The following TRAPPC9 variants were observed in gnomAD, a reference collection of about 807,000 sequenced individuals.
TRAPPC9 encodes the protein IKK2 binding protein.
Under a neutral mutation model 124.0 loss-of-function variants are expected in TRAPPC9, and 83 were observed. The ratio of observed to expected loss-of-function variants is 0.67; its 90% CI spans 0.56 to 0.80. The LOEUF (loss-of-function observed/expected upper bound fraction) is 0.80, where lower values mean the gene tolerates loss of function less well. Among genes scored for constraint, TRAPPC9 ranks in the 30% least tolerant of loss-of-function variants. The pLI is 0.00. For synonymous variants in TRAPPC9, 638 were observed against 617.5 expected (o/e 1.03, Z -0.49); for missense variants, 1,302 against 1,508.3 (o/e 0.86, Z 2.27).
At chr8:140,446,812 G>T (rs1464356797) in intron 2 of TRAPPC9, among the ~76,000 whole-genome samples, 1 of 152,046 alleles carries the variant, frequency 6.6e-6, no homozygotes, top group Non-Finnish European at 1.5e-5. Flanking sequence ...GATTACAGAT[G>T]TGAACCACCG....
intron 21 of TRAPPC9, among the ~76,000 whole-genome samples, chr8:139,819,474 G>A (rs947466374): frequency 1.3e-5 from 2 of 152,136 alleles, no homozygotes; most frequent in East Asian, 1.9e-4. Context: ...AAAAGGTTGG[G>A]GACCACCTGC....
chr8:139,805,572 G>A (rs1013819027), intron 21 of TRAPPC9, among the ~76,000 whole-genome samples: 7 of 152,190 alleles, frequency 4.6e-5, no homozygotes, highest in East Asian at 1.9e-4. Context: ...TCTGGGAGTC[G>A]GGGCTGGCCA....
chr8:139,978,903 GTT>G (rs34720118), intron 19 of TRAPPC9, among the ~76,000 whole-genome samples: 2 of 151,914 alleles, frequency 1.3e-5, no homozygotes, highest in Admixed American at 1.3e-4. Flanking sequence ...GAGCACTCTG[GTT>G]TTTTTTCCAC....
chr8:140,426,106 G>T (rs1013210177), intron 5 of TRAPPC9, among the ~76,000 whole-genome samples: 5 of 152,164 alleles, frequency 3.3e-5, no homozygotes, highest in African/African-American at 1.2e-4. Flanking sequence ...AGCTCATCAT[G>T]AAATAATTAA....
chr8:139,751,373 T>A (rs1443043467), intron 21 of TRAPPC9, among the ~76,000 whole-genome samples: 9 of 152,126 alleles, frequency 5.9e-5, no homozygotes, highest in Non-Finnish European at 1.3e-4. Flanking sequence ...GCCTGGCCCT[T>A]TCAGACACCA....
At position 139,961,178 on chromosome 8, in the gene TRAPPC9, G is replaced by A. The variant is rs907252982; in HGVS notation, c.2810+27548C>T. The stretch of plus-strand genomic sequence containing the variant: ...CAAACCCACGTGTGTCCTCAGCTGC[G>A]CCTGCACATTTCTACCGTCTGCCCA... On this transcript the variant is annotated intron_variant, in intron 19 of 22. Coordinates refer to ENST00000438773, the MANE Select transcript of TRAPPC9 (RefSeq NM_001160372.4). Among the ~76,000 whole-genome samples the A allele has an allele frequency of 8.0e-5, 10 of 124,566 alleles. 1 individual carries two copies. The highest frequency in any genetic ancestry group is 1.3e-4 in the African/African-American group (5 of 39,312). 81.7% of individuals were successfully genotyped at this position (124,566 alleles called of 152,430 possible). A position where few individuals can be genotyped will look rare whatever the true frequency, so the allele number is the denominator to read the frequency against.
In TRAPPC9 at chr8:140,337,101, G is replaced by A. The variant is rs1243120301; in HGVS notation, c.1495+22949C>T. 2.0e-5 allele frequency among the ~76,000 whole-genome samples: 3 copies of A among 152,162 alleles called. No homozygotes were observed. The East Asian group carries it at 5.8e-4, about 29-fold the overall frequency. ...GCTGGCTGCAGGTGACCCAGGATGT[G>A]GGGTCAGGCATGTGCTCCAGAGCCA... is the stretch of plus-strand genomic sequence containing the variant. On this transcript the variant is annotated intron_variant, in intron 9 of 22. Transcript: ENST00000438773.
At chr8:140,081,621 C>T (rs1843825512) in intron 17 of TRAPPC9, among the ~76,000 whole-genome samples, 1 of 152,196 alleles carries the variant, frequency 6.6e-6, no homozygotes. Flanking sequence ...GCTGGGATGA[C>T]AGGCGTGAGC....
chr8:139,878,457 G>T (rs754282596), intron 21 of TRAPPC9, among the ~76,000 whole-genome samples: 1 of 150,802 alleles, frequency 6.6e-6, no homozygotes, highest in Non-Finnish European at 1.5e-5. Flanking sequence ...TGATCTAGCC[G>T]GAGGTTGAGA....
chr8:139,972,075 C>T (rs1484996416), intron 19 of TRAPPC9, among the ~76,000 whole-genome samples: 1 of 151,964 alleles, frequency 6.6e-6, no homozygotes, highest in Non-Finnish European at 1.5e-5. Context: ...ATCCACCTGC[C>T]TTGGCTTCCT....
chr8:140,233,227 C>T (rs927843962), intron 16 of TRAPPC9, among the ~76,000 whole-genome samples: 45 of 150,618 alleles, frequency 3.0e-4, no homozygotes, highest in African/African-American at 9.8e-4. Context: ...TTTTTTGAGA[C>T]GGAGTCTCAC....
In TRAPPC9 at chr8:140,128,572, G is replaced by A. The variant is rs2061140270; in HGVS notation, c.2556+92887C>T. ...TTCTCTTTGAGAGAAGTGAAGGCAG[G>A]AAACTGGCACTAATTGAATACCCAC... On this transcript the variant is annotated intron_variant, in intron 17 of 22. Transcript: ENST00000438773. Among the ~76,000 whole-genome samples the A allele has an allele frequency of 2.0e-5, 3 of 152,244 alleles. No homozygotes were observed. The South Asian group carries it at 6.2e-4, about 31-fold the overall frequency.
At chr8:139,821,636 T>G (rs1825261064) in intron 21 of TRAPPC9, among the ~76,000 whole-genome samples, 1 of 152,260 alleles carries the variant, frequency 6.6e-6, no homozygotes. Flanking sequence ...TATACTGCTT[T>G]GCATTATTTC....
intron 11 of TRAPPC9, among the ~76,000 whole-genome samples, chr8:140,298,050 T>C (rs900371537): frequency 6.6e-6 from 1 of 152,154 alleles, no homozygotes; most frequent in Non-Finnish European, 1.5e-5. Flanking sequence ...TGTTTCCTCA[T>C]CTGTAAAAGG....
At chr8:139,976,614 C>T (rs1372093338) in intron 19 of TRAPPC9, among the ~76,000 whole-genome samples, 1 of 152,244 alleles carries the variant, frequency 6.6e-6, no homozygotes, top group Non-Finnish European at 1.5e-5. Flanking sequence ...AGGTGCCTCA[C>T]CACAAGGGAT....
intron 21 of TRAPPC9, among the ~76,000 whole-genome samples, chr8:139,864,580 A>G (rs943011856): frequency 1.3e-5 from 2 of 152,172 alleles, no homozygotes; most frequent in African/African-American, 4.8e-5. Context: ...CTTCCTGGCT[A>G]GGGGACTGCA....
chr8:139,988,502 C>T (rs1837403378), intron 19 of TRAPPC9, among the ~76,000 whole-genome samples: 4 of 152,148 alleles, frequency 2.6e-5, no homozygotes, highest in Admixed American at 1.3e-4. Flanking sequence ...CATGTTGCTA[C>T]TTCCTCAGAC....
At chr8:139,989,318 T>TGC (rs1371782064) in intron 18 of TRAPPC9, among the ~76,000 whole-genome samples, 46,899 of 152,008 alleles carry the variant, frequency 0.31, 8,858 homozygotes, top group East Asian at 0.5. Flanking sequence ...TGTGTGTGTG[T>TGC]GTGCACATCC....
In TRAPPC9 at chr8:139,810,445, G is replaced by A. The variant is rs556832018; in HGVS notation, c.3055+75434C>T. Among the ~76,000 whole-genome samples, 11 of 152,294 alleles carry A rather than the reference G, an allele frequency of 7.2e-5. 1 individual carries two copies. The South Asian group carries it at 1.7e-3, about 23-fold the overall frequency. On this transcript the variant is annotated intron_variant, in intron 21 of 22. Coordinates refer to ENST00000438773, the MANE Select transcript of TRAPPC9 (RefSeq NM_001160372.4). The stretch of plus-strand genomic sequence containing the variant: ...GGGATTTCACGAGTTGGCTGACATC[G>A]TGTTGGGACCTTGAAACTGGCCACT...
Sources: gnomAD v4.1 joint callset for allele counts (sites outside exome capture counted in the v4.1 genomes callset) on GRCh38, gnomAD v4.1.1 for gene constraint, MANE v1.5 for transcripts, NCBI Gene and HGNC (gene_info 2026-07-23, HGNC 2026-07-21) for gene names.